NACC2: variants seen among roughly 807,000 people sequenced by gnomAD.
NACC2 encodes the protein NACC family member 2, also known as nucleus accumbens-associated protein 2.
A neutral mutation model predicts 25.1 loss-of-function variants in NACC2; 8 were observed. The observed-to-expected ratio is 0.32, with a 90% CI of 0.19 to 0.57. The LOEUF (loss-of-function observed/expected upper bound fraction) is 0.57, where lower values mean the gene tolerates loss of function less well. Ranked by LOEUF, NACC2 falls within the 20% of genes least tolerant of loss-of-function variation. NACC2 has a pLI of 0.89. For missense variants in NACC2, 644 were observed against 650.2 expected (o/e 0.99, Z 0.10); for synonymous variants, 435 against 294.7 (o/e 1.48, Z -4.88).
At chr9:136,012,332 A>G (rs191274284) in intron 5 of NACC2, among the ~76,000 whole-genome samples, 15 of 152,348 alleles carry the variant, frequency 9.8e-5, no homozygotes, top group African/African-American at 3.6e-4. Flanking sequence ...CCGTAGCCCC[A>G]ACGGCTAACG....
intron 1 of NACC2, among the ~76,000 whole-genome samples, chr9:136,056,235 A>G (rs1840922680): frequency 6.6e-6 from 1 of 152,160 alleles, no homozygotes; most frequent in South Asian, 2.1e-4. Flanking sequence ...AATGCCAGAA[A>G]GCAGAGCTGG....
chr9:136,012,125 C>T, intron 5 of NACC2, 101 bp from the exon 6 acceptor site: 3 of 1,389,958 alleles, frequency 2.2e-6, no homozygotes, highest in Non-Finnish European at 2.8e-6. Flanking sequence ...GCCTCCCCGG[C>T]CGCTCCTGGG....
Position 136,035,854 on chromosome 9 carries a change from A to G in NACC2, c.886+13782T>C, listed in dbSNP as rs922846753. ...AATTCCTACCAATTGTGAAGGGGAT[A>G]CAGAAGTTCTCCGTACTTATCTTAC... On this transcript the variant is annotated intron_variant, in intron 2 of 5. Transcript: ENST00000277554. Among the ~76,000 whole-genome samples the G allele has an allele frequency of 3.3e-5, 5 of 152,366 alleles. No homozygotes were observed. In the East Asian group the frequency reaches 9.6e-4, roughly 29 times the overall value.
chr9:136,049,858 A>G lies in NACC2; in HGVS notation c.664T>C (p.Ser222Pro). 1.5e-6 allele frequency: 1 copy of G among 666,378 alleles called. No homozygotes were observed. The highest frequency in any genetic ancestry group is 2.8e-6 in the Non-Finnish European group (1 of 358,922). The allele number at this position is 666,378 out of a possible 1,614,324, so 41.3% of individuals were successfully genotyped here. The change falls in exon 2 of 6, where the codon TCC becomes CCC. Residue 222 changes from serine to proline, a missense_variant. Coordinates refer to ENST00000277554, the MANE Select transcript of NACC2 (RefSeq NM_144653.5). ...GCCAGGCTGGGCACCCCGTAGTAGG[A>G]GACACGGGGCAGTTTGAGAGGGGCT... The part of the protein sequence containing the change: ...GTAPLKLPRV[S>P]YYGVPSLATL...
intron 1 of NACC2, among the ~76,000 whole-genome samples, chr9:136,057,600 G>A (rs1003762635): frequency 2.6e-5 from 4 of 152,314 alleles, no homozygotes; most frequent in South Asian, 2.1e-4. Context: ...CGTCTCCCTC[G>A]GGCATAGTTT....
At position 136,022,708 on chromosome 9, in the gene NACC2, C is replaced by A. The variant is rs745662854; in HGVS notation, c.887-6279G>T. Among the ~76,000 whole-genome samples the A allele has an allele frequency of 2.6e-4, 40 of 152,134 alleles. No homozygotes were observed. The highest frequency in any genetic ancestry group is 4.6e-4 in the Non-Finnish European group (31 of 68,030). ...CTAACACACAGGGCCCATCAACTAC[C>A]AGTGCTGGCTGGGGCAGTGCCTCTG... On this transcript the variant is annotated intron_variant, in intron 2 of 5. Coordinates refer to ENST00000277554, the MANE Select transcript of NACC2 (RefSeq NM_144653.5). The surrounding 1 kb of genome is among the most constrained non-coding windows in gnomAD (Gnocchi z 4.4).
intron 1 of NACC2, among the ~76,000 whole-genome samples, chr9:136,064,841 G>A (rs895832106): frequency 1.3e-5 from 2 of 152,178 alleles, no homozygotes; most frequent in African/African-American, 2.4e-5. Context: ...AATCAATATA[G>A]TATGGTGCTG....
Position 136,013,837 on chromosome 9 carries a change from C to A in NACC2, c.1157+27G>T. 2.5e-6 allele frequency: 4 copies of A among 1,593,238 alleles called. No individual in the cohort carries two copies. The highest frequency in any genetic ancestry group is 3.4e-6 in the Non-Finnish European group (4 of 1,163,784). On this transcript the variant is annotated intron_variant, in intron 4 of 5. Coordinates refer to ENST00000277554, the MANE Select transcript of NACC2 (RefSeq NM_144653.5). The surrounding 1 kb of genome is among the most constrained non-coding windows in gnomAD (Gnocchi z 6.6). ...CAGAACCCTCCGCAGCTCCATTGTG[C>A]CCTCCAGCACTCCTGCCCCGACCTA...
chr9:136,017,315 A>G (rs1404148706), intron 2 of NACC2, among the ~76,000 whole-genome samples: 1 of 152,138 alleles, frequency 6.6e-6, no homozygotes, highest in Non-Finnish European at 1.5e-5. Flanking sequence ...TGCCACCCCG[A>G]GGTCCCTGGG....
intron 2 of NACC2, among the ~76,000 whole-genome samples, chr9:136,026,892 T>C (rs1840400208): frequency 6.6e-6 from 1 of 152,102 alleles, no homozygotes; most frequent in African/African-American, 2.4e-5. Flanking sequence ...CCCAGCAAAG[T>C]CAGTAACCAC....
intron 1 of NACC2, among the ~76,000 whole-genome samples, chr9:136,082,665 C>CA (rs79410157): frequency 0.53 from 80,844 of 151,762 alleles, 22,988 homozygotes; most frequent in South Asian, 0.67. Flanking sequence ...GGACCTGCCT[C>CA]CCAAGAAGCA....
intron 2 of NACC2, among the ~76,000 whole-genome samples, chr9:136,032,993 G>A (rs902259879): frequency 1.3e-5 from 2 of 151,962 alleles, no homozygotes; most frequent in Non-Finnish European, 2.9e-5. Flanking sequence ...ACTCCAGCCT[G>A]GGCAACAGAG....
chr9:136,041,437 T>G (rs1240922252), intron 2 of NACC2, among the ~76,000 whole-genome samples: 2 of 148,116 alleles, frequency 1.4e-5, no homozygotes, highest in South Asian at 2.1e-4. Context: ...AAAAAAGAAA[T>G]AAAGAAAAAA....
chr9:136,034,618 T>A (rs1361736648), intron 2 of NACC2, among the ~76,000 whole-genome samples: 1 of 151,136 alleles, frequency 6.6e-6, no homozygotes, highest in Non-Finnish European at 1.5e-5. Context: ...AAGTCTAGGA[T>A]GCGCCTGGAA....
intron 1 of NACC2, among the ~76,000 whole-genome samples, chr9:136,078,578 C>T (rs931748313): frequency 1.1e-4 from 16 of 152,152 alleles, no homozygotes; most frequent in African/African-American, 1.7e-4. Flanking sequence ...GATGCATAGA[C>T]GGGACTCCAG....
At chr9:136,095,162 C>A (rs1464143299) in intron 1 of NACC2, 27 bp downstream of exon 1, 1 of 146,458 alleles carries the variant, frequency 6.8e-6, no homozygotes, top group African/African-American at 2.5e-5. Flanking sequence ...AACCCGGGGG[C>A]GGCCGCGCGC....
chr9:136,011,293 T>C lies in NACC2; in HGVS notation c.*223A>G. On this transcript the variant is annotated 3_prime_UTR_variant, in exon 6 of 6. Coordinates refer to ENST00000277554, the MANE Select transcript of NACC2 (RefSeq NM_144653.5). ...CCTTGTGAATATCAAAAGGGAGCCCTGGGAACTTCCTCGCAGGAGGCTGCC... is the reference window on the plus strand; with the variant it reads ...CCTTGTGAATATCAAAAGGGAGCCCCGGGAACTTCCTCGCAGGAGGCTGCC... 2.5e-6 allele frequency: 1 copy of C among 400,360 alleles called. No individual in the cohort carries two copies. Among genetic ancestry groups the C allele is most frequent in the Non-Finnish European group, 4.1e-6 (1 of 241,320 alleles). The allele number at this position is 400,360 out of a possible 1,614,324, so 24.8% of individuals were successfully genotyped here.
chr9:136,011,539 C>A lies in NACC2; in HGVS notation c.1741G>T (p.Gly581Cys). 7.1e-7 allele frequency: 1 copy of A among 1,409,222 alleles called. No individual in the cohort carries two copies. The highest frequency in any genetic ancestry group is 1.7e-5 in the South Asian group (1 of 60,038). The allele number at this position is 1,409,222 out of a possible 1,614,324, so 87.3% of individuals were successfully genotyped here. A position where few individuals can be genotyped will look rare whatever the true frequency, so the allele number is the denominator to read the frequency against. ...TPAAAARRPE[G>C]TYAGTL ...GCTTACAAGGTCCCTGCATAGGTGC[C>A]CTCCGGCCTCCGGGCCGCGGCCGCC... The change falls in exon 6 of 6, where the codon GGC becomes TGC. Residue 581 changes from glycine to cysteine, a missense_variant. Coordinates refer to ENST00000277554, the MANE Select transcript of NACC2 (RefSeq NM_144653.5).
intron 2 of NACC2, among the ~76,000 whole-genome samples, chr9:136,032,346 T>G (rs892669934): frequency 1.3e-5 from 2 of 152,080 alleles, no homozygotes; most frequent in African/African-American, 4.8e-5. Context: ...TTACAATGCT[T>G]AGAGAAAGCT....
Sources: allele counts gnomAD v4.1 joint callset (sites outside exome capture counted in the v4.1 genomes callset), GRCh38; gene constraint gnomAD v4.1.1; non-coding constraint Gnocchi (gnomAD v3.1); transcripts MANE v1.5; gene names NCBI Gene and HGNC (gene_info 2026-07-23, HGNC 2026-07-21).